The following RARS2 variants were observed in gnomAD, a reference collection of about 807,000 sequenced individuals.
RARS2 encodes the protein arginyl-tRNA synthetase 2, mitochondrial, also known as probable arginine--tRNA ligase, mitochondrial.
A neutral mutation model predicts 88.5 loss-of-function variants in RARS2; 67 were observed. The ratio of observed to expected loss-of-function variants is 0.76; its 90% CI spans 0.62 to 0.93. The LOEUF is 0.93. Among genes scored for constraint, RARS2 ranks in the 40% least tolerant of loss-of-function variants. RARS2 has a pLI of 0.00. For synonymous variants in RARS2, 239 were observed against 230.3 expected (o/e 1.04, Z -0.34); for missense variants, 664 against 684.2 (o/e 0.97, Z 0.33).
chr6:87,581,065 A>G (rs1773337676), intron 1 of RARS2, among the ~76,000 whole-genome samples: 1 of 152,184 alleles, frequency 6.6e-6, no homozygotes, highest in South Asian at 2.1e-4. Flanking sequence ...TTTCTGATAC[A>G]ATGGCAAATA....
chr6:87,564,002 TTA>T, intron 3 of RARS2, 126 bp downstream of exon 3: 1 of 739,434 alleles, frequency 1.4e-6, no homozygotes, highest in Non-Finnish European at 2.3e-6. Flanking sequence ...TGAATTTAAA[TTA>T]TATTACACAA....
chr6:87,534,437 A>C (rs149008736), intron 8 of RARS2, among the ~76,000 whole-genome samples: 4 of 152,322 alleles, frequency 2.6e-5, no homozygotes, highest in African/African-American at 9.6e-5. Flanking sequence ...ATAATTATTA[A>C]CTCCTTGTAG....
At position 87,564,187 on chromosome 6, in the gene RARS2, T is replaced by C; in HGVS notation, c.156A>G (p.Lys52=). 1 of 1,613,680 alleles carries C rather than the reference T, an allele frequency of 6.2e-7. No individual in the cohort carries two copies. Among genetic ancestry groups the C allele is most frequent in the Non-Finnish European group, 8.5e-7 (1 of 1,179,660 alleles). The change falls in exon 3 of 20, where the codon AAA becomes AAG. Residue 52 remains lysine (K), a synonymous_variant. Transcript: ENST00000369536. ...TATCTGGTCTTGAATGGTCATTGTCTTTTTCCAATAAAGAATCCACAGAAA... is the reference window on the plus strand; with the variant it reads ...TATCTGGTCTTGAATGGTCATTGTCCTTTTCCAATAAAGAATCCACAGAAA... The part of the protein sequence containing the change: ...FQLSVDSLLE[K]DNDHSRPDIQ...
chr6:87,584,186 T>A (rs985411308), intron 1 of RARS2, among the ~76,000 whole-genome samples: 1 of 152,174 alleles, frequency 6.6e-6, no homozygotes, highest in Admixed American at 6.5e-5. Context: ...GGTATTATCT[T>A]CACATTGCGG....
chr6:87,551,947 A>G (rs116335508), intron 5 of RARS2, among the ~76,000 whole-genome samples: 1 of 152,326 alleles, frequency 6.6e-6, no homozygotes, highest in African/African-American at 2.4e-5. Flanking sequence ...AGGAAACAGT[A>G]ATTAGCTTCA....
At chr6:87,518,978 T>C in intron 14 of RARS2, 87 bp from the exon 15 acceptor site, 1 of 1,253,992 alleles carries the variant, frequency 8.0e-7, no homozygotes, top group South Asian at 1.2e-5. Flanking sequence ...GCCAAAAATG[T>C]ATGCTGACAA....
At chr6:87,586,507 T>C (rs1386893346) in intron 1 of RARS2, among the ~76,000 whole-genome samples, 1 of 152,196 alleles carries the variant, frequency 6.6e-6, no homozygotes, top group Non-Finnish European at 1.5e-5. Flanking sequence ...CCTTGGCACT[T>C]TGCACATGCT....
chr6:87,576,988 A>C (rs1232573043), intron 1 of RARS2, among the ~76,000 whole-genome samples: 2 of 152,368 alleles, frequency 1.3e-5, no homozygotes, highest in Admixed American at 6.5e-5. Context: ...TTCGATAAAG[A>C]AGTTGCAAAG....
At chr6:87,539,536 G>C (rs1334342776) in intron 8 of RARS2, among the ~76,000 whole-genome samples, 2 of 152,166 alleles carry the variant, frequency 1.3e-5, no homozygotes, top group African/African-American at 4.8e-5. Flanking sequence ...ACCTTTCTCA[G>C]CATTTCACAA....
chr6:87,564,549 A>C, intron 2 of RARS2: 3 of 372,080 alleles, frequency 8.1e-6, no homozygotes, highest in African/African-American at 2.1e-5. Context: ...TGTACCTACA[A>C]TCCCAGCTGC....
intron 16 of RARS2, 169 bp downstream of exon 16, chr6:87,518,461 T>C: frequency 7.3e-6 from 10 of 1,363,976 alleles, no homozygotes; most frequent in Non-Finnish European, 9.9e-6. Context: ...ATTTCTAACA[T>C]AGGTGCTCAA....
intron 5 of RARS2, among the ~76,000 whole-genome samples, chr6:87,553,453 T>C (rs928172737): frequency 1.3e-5 from 2 of 152,062 alleles, no homozygotes; most frequent in East Asian, 3.8e-4. Flanking sequence ...AGAGAGTAAA[T>C]ATTTTAATAG....
chr6:87,583,330 C>CT (rs1014921241), intron 1 of RARS2, among the ~76,000 whole-genome samples: 8 of 152,278 alleles, frequency 5.3e-5, no homozygotes, highest in Admixed American at 3.9e-4. Flanking sequence ...TGGCTCTTGC[C>CT]TGTAATCCCA....
chr6:87,586,257 A>C (rs1166334600), intron 1 of RARS2, among the ~76,000 whole-genome samples: 1 of 152,064 alleles, frequency 6.6e-6, no homozygotes, highest in Non-Finnish European at 1.5e-5. Context: ...TGGATTCAAG[A>C]TATAAAGATA....
Position 87,530,453 on chromosome 6 carries a change from C to T in RARS2, c.771+331G>A, listed in dbSNP as rs143515282. Among the ~76,000 whole-genome samples, 11 of 152,198 alleles carry T rather than the reference C, an allele frequency of 7.2e-5. No homozygotes were observed. In the East Asian group the frequency reaches 2.1e-3, roughly 29 times the overall value. The stretch of plus-strand genomic sequence containing the variant: ...CTTCTATTCGCTGTTGTGTATTATC[C>T]CCTACCCACCAAATGTTTATTAAAT... On this transcript the variant is annotated intron_variant, in intron 9 of 19. Coordinates refer to ENST00000369536, the MANE Select transcript of RARS2 (RefSeq NM_020320.5).
chr6:87,568,483 G>T (rs949884629), intron 2 of RARS2, among the ~76,000 whole-genome samples: 2 of 152,194 alleles, frequency 1.3e-5, no homozygotes, highest in African/African-American at 2.4e-5. Flanking sequence ...TTGGGTGACA[G>T]AATGAGACCT....
chr6:87,573,694 A>C lies in RARS2; in HGVS notation c.37-4104T>G, dbSNP rs547014188. Among the ~76,000 whole-genome samples, 85 of 152,356 alleles carry C rather than the reference A, an allele frequency of 5.6e-4. 1 individual carries two copies. The highest frequency in any genetic ancestry group is 1.9e-3 in the African/African-American group (79 of 41,580). ...TGTGTATTTTTTCACAATTTAAAAAAACACACAAAAAAAAACCAAGAAGAC... is the reference window on the plus strand; with the variant it reads ...TGTGTATTTTTTCACAATTTAAAAACACACACAAAAAAAAACCAAGAAGAC... On this transcript the variant is annotated intron_variant, in intron 1 of 19. Transcript: ENST00000369536.
chr6:87,576,692 G>C (rs1173907668), intron 1 of RARS2, among the ~76,000 whole-genome samples: 4 of 152,146 alleles, frequency 2.6e-5, no homozygotes, highest in African/African-American at 9.7e-5. Context: ...TGGGTGTGGG[G>C]CATATAAGTA....
chr6:87,585,683 G>A (rs1272830540), intron 1 of RARS2, among the ~76,000 whole-genome samples: 3 of 152,042 alleles, frequency 2.0e-5, no homozygotes, highest in African/African-American at 7.3e-5. Flanking sequence ...AGTGAGCAGA[G>A]ATCACGCCAT....
Sources: gnomAD v4.1 joint callset for allele counts (sites outside exome capture counted in the v4.1 genomes callset) on GRCh38, gnomAD v4.1.1 for gene constraint, MANE v1.5 for transcripts, NCBI Gene and HGNC (gene_info 2026-07-23, HGNC 2026-07-21) for gene names.